ADGRL2: variants seen among roughly 807,000 people sequenced by gnomAD.
ADGRL2 encodes adhesion G protein-coupled receptor L2.
ADGRL2 carries 44 observed loss-of-function variants against 157.4 expected under a neutral mutation model. The ratio of observed to expected loss-of-function variants is 0.28; its 90% CI spans 0.22 to 0.36. The LOEUF (loss-of-function observed/expected upper bound fraction) is 0.36. Ranked by LOEUF, ADGRL2 falls within the 10% of genes least tolerant of loss-of-function variation. The pLI is 1.00. For missense variants in ADGRL2, 1,510 were observed against 1,768.9 expected (o/e 0.85, Z 2.63); for synonymous variants, 585 against 624.7 (o/e 0.94, Z 0.95).
intron 1 of ADGRL2, among the ~76,000 whole-genome samples, chr1:81,825,098 C>T (rs2091348716): frequency 6.6e-6 from 1 of 152,032 alleles, no homozygotes; most frequent in African/African-American, 2.4e-5. Flanking sequence ...GTAACACCAG[C>T]AGTTTGGGAG....
chr1:81,503,304 A>T (rs1190023931), intron 2 of ADGRL2: 18 of 1,614,166 alleles, frequency 1.1e-5, no homozygotes, highest in Non-Finnish European at 1.4e-5. Flanking sequence ...CCACCTACGC[A>T]GGTGTGCTGT....
chr1:81,497,158 C>T (rs1301490803), intron 2 of ADGRL2, among the ~76,000 whole-genome samples: 1 of 152,118 alleles, frequency 6.6e-6, no homozygotes, highest in African/African-American at 2.4e-5. Flanking sequence ...TAGAAAACTG[C>T]CAGTTTTCTT....
intron 3 of ADGRL2, among the ~76,000 whole-genome samples, chr1:81,589,159 GC>G (rs1200876474): frequency 6.6e-6 from 1 of 152,172 alleles, no homozygotes; most frequent in East Asian, 1.9e-4. Flanking sequence ...CTAAGCTGGT[GC>G]TGTAACTGGG....
chr1:81,677,665 A>G (rs376990036), intron 3 of ADGRL2, among the ~76,000 whole-genome samples: 1 of 152,134 alleles, frequency 6.6e-6, no homozygotes, highest in East Asian at 1.9e-4. Flanking sequence ...TGTACTGTCT[A>G]AATTAAGCCC....
chr1:81,378,109 G>A (rs1363645126), intron 1 of ADGRL2, among the ~76,000 whole-genome samples: 2 of 151,776 alleles, frequency 1.3e-5, no homozygotes, highest in Non-Finnish European at 2.9e-5. Context: ...AACCCAGGAG[G>A]CAGAGGTTGC....
At chr1:81,642,751 AGG>A (rs1172366226) in intron 3 of ADGRL2, among the ~76,000 whole-genome samples, 1 of 152,226 alleles carries the variant, frequency 6.6e-6, no homozygotes, top group Non-Finnish European at 1.5e-5. Flanking sequence ...GATTTATTCC[AGG>A]TATGCAAAAC....
chr1:81,637,628 A>G (rs975585752), intron 3 of ADGRL2, among the ~76,000 whole-genome samples: 1 of 152,188 alleles, frequency 6.6e-6, no homozygotes, highest in Admixed American at 6.5e-5. Flanking sequence ...TTTTGAACTT[A>G]TTGTTTGTAA....
At chr1:81,936,596 CTT>C (rs1373233879) in intron 3 of ADGRL2, 130 bp from the exon 4 acceptor site, 7 of 511,904 alleles carry the variant, frequency 1.4e-5, no homozygotes, top group South Asian at 3.6e-5. Context: ...TGTAGAGTAA[CTT>C]AACATCACTT....
chr1:81,927,966 T>C (rs905610642), intron 3 of ADGRL2, among the ~76,000 whole-genome samples: 4 of 152,168 alleles, frequency 2.6e-5, no homozygotes, highest in African/African-American at 9.6e-5. Flanking sequence ...AACATTCAAC[T>C]CCATTTTTCT....
chr1:81,848,332 A>C (rs1204589238), intron 2 of ADGRL2, among the ~76,000 whole-genome samples: 2 of 151,786 alleles, frequency 1.3e-5, no homozygotes, highest in Admixed American at 1.3e-4. Context: ...GGTGGAATTA[A>C]AGAATTTTGG....
chr1:81,661,265 G>A (rs1247008939), intron 3 of ADGRL2, among the ~76,000 whole-genome samples: 1 of 152,096 alleles, frequency 6.6e-6, no homozygotes, highest in Non-Finnish European at 1.5e-5. Flanking sequence ...AGAAAATGAA[G>A]GCAGAATGAA....
At chr1:81,863,446 A>G (rs145566443) in intron 2 of ADGRL2, among the ~76,000 whole-genome samples, 1 of 152,022 alleles carries the variant, frequency 6.6e-6, no homozygotes, top group Non-Finnish European at 1.5e-5. Flanking sequence ...ACAGAAAAAA[A>G]CTCTCTAAAA....
intron 2 of ADGRL2, among the ~76,000 whole-genome samples, chr1:81,784,266 A>T (rs1047088244): frequency 1.3e-5 from 2 of 152,204 alleles, no homozygotes; most frequent in African/African-American, 2.4e-5. Flanking sequence ...GCTTTTACTT[A>T]AAAAAGTAGT....
intron 1 of ADGRL2, among the ~76,000 whole-genome samples, chr1:81,404,691 G>A (rs1052491450): frequency 2.6e-5 from 4 of 152,152 alleles, no homozygotes; most frequent in African/African-American, 9.7e-5. Context: ...ATATTCAGGT[G>A]AATAGTCATT....
At chr1:81,503,704 G>A (rs1308588268) in intron 2 of ADGRL2, among the ~76,000 whole-genome samples, 1 of 152,178 alleles carries the variant, frequency 6.6e-6, no homozygotes, top group Non-Finnish European at 1.5e-5. Flanking sequence ...TTGTCCTGGA[G>A]AACTGGGTGG....
intron 3 of ADGRL2, among the ~76,000 whole-genome samples, chr1:81,922,975 T>C (rs2095023309): frequency 6.6e-6 from 1 of 152,336 alleles, no homozygotes; most frequent in African/African-American, 2.4e-5. Flanking sequence ...TAAAGATAAT[T>C]TCTTGCTTTT....
rs748331548 is a variant in ADGRL2 at position 81,984,499 on chromosome 1, G to A, written c.3283-84G>A. 3.8e-5 allele frequency: 49 copies of A among 1,289,648 alleles called. No individual in the cohort carries two copies. Among genetic ancestry groups the A allele is most frequent in the Admixed American group, 5.4e-5 (2 of 37,298 alleles). The allele number at this position is 1,289,648 out of a possible 1,614,324, so 79.9% of individuals were successfully genotyped here. ...TTTTAGTGGAACTTTAATTCTTTTC[G>A]GTTGTCTTCACTGTTCATTTAATTA... On this transcript the variant is annotated intron_variant, in intron 19 of 23. Transcript: ENST00000686636.
At chr1:81,775,086 G>A (rs1483217756) in intron 2 of ADGRL2, among the ~76,000 whole-genome samples, 1 of 152,064 alleles carries the variant, frequency 6.6e-6, no homozygotes, top group Non-Finnish European at 1.5e-5. Flanking sequence ...TGTGTGGTAA[G>A]ACCACAAGTA....
chr1:81,740,141 T>C (rs781647587), intron 1 of ADGRL2, among the ~76,000 whole-genome samples: 34 of 152,150 alleles, frequency 2.2e-4, no homozygotes, highest in Non-Finnish European at 4.0e-4. Context: ...TCTAACAAAT[T>C]AATACTAGGG....
Sources: gnomAD v4.1 joint callset for allele counts (sites outside exome capture counted in the v4.1 genomes callset) on GRCh38, gnomAD v4.1.1 for gene constraint, MANE v1.5 for transcripts, NCBI Gene and HGNC (gene_info 2026-07-23, HGNC 2026-07-21) for gene names.